The following CADPS2 variants were observed in gnomAD, a reference collection of about 807,000 sequenced individuals.
CADPS2 encodes calcium dependent secretion activator 2, also known as calcium-dependent secretion activator 2.
Under a neutral mutation model 172.5 loss-of-function variants are expected in CADPS2, and 93 were observed. That is an observed-to-expected ratio of 0.54 (90% CI 0.46 to 0.64). CADPS2 has a LOEUF of 0.64. Among genes scored for constraint, CADPS2 ranks in the 30% least tolerant of loss-of-function variants. The probability of loss-of-function intolerance (pLI) is 0.00; values close to 1 mark genes in which losing one functional copy is unlikely to be tolerated. For missense variants in CADPS2, 1,420 were observed against 1,565.9 expected (o/e 0.91, Z 1.57); for synonymous variants, 546 against 555.2 (o/e 0.98, Z 0.23).
chr7:122,708,488 T>TATATA (rs1554740579), intron 2 of CADPS2, among the ~76,000 whole-genome samples: 26 of 117,190 alleles, frequency 2.2e-4, no homozygotes, highest in South Asian at 8.3e-4. Flanking sequence ...ATATATATAT[T>TATATA]GGATATGTAG....
intron 8 of CADPS2, among the ~76,000 whole-genome samples, chr7:122,524,574 A>G (rs879731795): frequency 6.6e-5 from 10 of 152,192 alleles, no homozygotes; most frequent in Non-Finnish European, 1.0e-4. Flanking sequence ...TGTATTTATT[A>G]AGGACTTCTA....
intron 1 of CADPS2, among the ~76,000 whole-genome samples, chr7:122,868,133 C>A (rs955979495): frequency 6.6e-6 from 1 of 152,084 alleles, no homozygotes; most frequent in African/African-American, 2.4e-5. Flanking sequence ...TTTCTGCATG[C>A]ATCGAGTGCT....
intron 8 of CADPS2, among the ~76,000 whole-genome samples, chr7:122,527,617 A>AGAGAGTGTGTGTGTGT: frequency 7.2e-5 from 6 of 83,884 alleles, no homozygotes; most frequent in Admixed American, 2.5e-4. Context: ...AGAGAGAGAG[A>AGAGAGTGTGTGTGTGT]GTGTGTGTGT....
intron 2 of CADPS2, among the ~76,000 whole-genome samples, chr7:122,735,499 CT>C: frequency 6.6e-6 from 1 of 152,166 alleles, no homozygotes; most frequent in Middle Eastern, 3.4e-3. Context: ...GCTTGTGTGC[CT>C]TTTTTTCAAT....
At chr7:122,698,674 A>AT in intron 2 of CADPS2, 1 of 1,613,866 alleles carries the variant, frequency 6.2e-7, no homozygotes, top group Non-Finnish European at 8.5e-7. Context: ...TGCATTTTGG[A>AT]TTTTTCCCTC....
At position 122,325,552 on chromosome 7, in the gene CADPS2, A is replaced by G. The variant is rs777406455; in HGVS notation, c.3642T>C (p.Ile1214=). The G allele has an allele frequency of 7.4e-6, 12 of 1,610,982 alleles. No homozygotes were observed. The highest frequency in any genetic ancestry group is 1.7e-5 in the Admixed American group (1 of 59,674). Residue 1214 remains isoleucine, a synonymous_variant, in exon 29 of 30, where the codon ATT becomes ATC. Transcript: ENST00000449022. ...CTAATCTATCAGTCAACCACACGCA[A>G]ATGACTTTCATGGAACTGCTGTACC... is the stretch of plus-strand genomic sequence containing the variant. ...DQWYSSSMKV[I]CVWLTDRLDL... is the part of the protein sequence containing the mutation.
intron 28 of CADPS2, among the ~76,000 whole-genome samples, chr7:122,341,801 T>G (rs1315216218): frequency 6.6e-6 from 1 of 152,130 alleles, no homozygotes; most frequent in Non-Finnish European, 1.5e-5. Context: ...ACCTAGAACA[T>G]TTCCTGGAAC....
chr7:122,653,940 G>C (rs2079456586), intron 3 of CADPS2, among the ~76,000 whole-genome samples: 1 of 152,118 alleles, frequency 6.6e-6, no homozygotes, highest in Non-Finnish European at 1.5e-5. Context: ...ATTGAAAATA[G>C]GCCAATTAAT....
At chr7:122,436,743 C>T (rs1298074085) in intron 17 of CADPS2, among the ~76,000 whole-genome samples, 1 of 152,046 alleles carries the variant, frequency 6.6e-6, no homozygotes, top group African/African-American at 2.4e-5. Flanking sequence ...GAGTTTCCCG[C>T]TCACTGTCCA....
chr7:122,364,005 G>A (rs936590778), intron 25 of CADPS2, among the ~76,000 whole-genome samples: 8 of 152,134 alleles, frequency 5.3e-5, no homozygotes, highest in Non-Finnish European at 1.0e-4. Flanking sequence ...ACGGCAGAAG[G>A]AGGAAGGCTT....
chr7:122,493,235 A>G (rs989797844), intron 9 of CADPS2, among the ~76,000 whole-genome samples: 2 of 152,206 alleles, frequency 1.3e-5, no homozygotes, highest in Non-Finnish European at 2.9e-5. Context: ...AACGGGCAAA[A>G]GATGACTACT....
intron 2 of CADPS2, among the ~76,000 whole-genome samples, chr7:122,729,750 C>A (rs935238487): frequency 6.7e-6 from 1 of 148,652 alleles, no homozygotes; most frequent in Non-Finnish European, 1.5e-5. Flanking sequence ...TCCCATCTTC[C>A]CCCTTCTACA....
intron 15 of CADPS2, among the ~76,000 whole-genome samples, chr7:122,444,920 G>A (rs917164707): frequency 1.3e-5 from 2 of 152,120 alleles, no homozygotes; most frequent in Non-Finnish European, 2.9e-5. Context: ...CCTATTTTGA[G>A]TTAACTTTTG....
chr7:122,593,185 CT>C (rs1364604609), intron 6 of CADPS2, among the ~76,000 whole-genome samples: 1 of 151,736 alleles, frequency 6.6e-6, no homozygotes. Context: ...CTATACTACT[CT>C]ATATTTTCAA....
intron 27 of CADPS2, among the ~76,000 whole-genome samples, chr7:122,346,783 G>A (rs74738804): frequency 7.9e-5 from 12 of 152,254 alleles, no homozygotes; most frequent in Non-Finnish European, 1.6e-4. Flanking sequence ...GTAAGGGATA[G>A]ATGCCTGCAT....
At chr7:122,864,409 G>A (rs1817761739) in intron 1 of CADPS2, among the ~76,000 whole-genome samples, 1 of 152,098 alleles carries the variant, frequency 6.6e-6, no homozygotes, top group African/African-American at 2.4e-5. Flanking sequence ...GAGCCCAGGA[G>A]GTCAAGGCTT....
At chr7:122,432,084 T>G (rs1041303500) in intron 17 of CADPS2, among the ~76,000 whole-genome samples, 1 of 152,028 alleles carries the variant, frequency 6.6e-6, no homozygotes, top group African/African-American at 2.4e-5. Context: ...ATCTTTGGCT[T>G]TTGTGACGCA....
intron 9 of CADPS2, among the ~76,000 whole-genome samples, chr7:122,493,720 C>CTT (rs10544810): frequency 0.015 from 2,037 of 131,512 alleles, 30 homozygotes; most frequent in East Asian, 0.064. Flanking sequence ...TATGTTTAAT[C>CTT]TTTTTTTTTT....
chr7:122,362,815 G>A (rs988985549), intron 25 of CADPS2, among the ~76,000 whole-genome samples: 2 of 152,044 alleles, frequency 1.3e-5, no homozygotes, highest in Non-Finnish European at 2.9e-5. Context: ...GAGTGCATAG[G>A]AGATAATCTT....
Sources: gnomAD v4.1 joint callset for allele counts (sites outside exome capture counted in the v4.1 genomes callset) on GRCh38, gnomAD v4.1.1 for gene constraint, MANE v1.5 for transcripts, NCBI Gene and HGNC (gene_info 2026-07-23, HGNC 2026-07-21) for gene names.